DIAPH3: variants seen among roughly 807,000 people sequenced by gnomAD.
The protein encoded by DIAPH3 is diaphanous related formin 3.
In DIAPH3, 117 loss-of-function variants were observed where a neutral mutation model predicts 144.3. The ratio of observed to expected loss-of-function variants is 0.81; its 90% confidence interval spans 0.70 to 0.95. The LOEUF is 0.95. Among genes scored for constraint, DIAPH3 ranks in the 40% least tolerant of loss-of-function variants. The pLI is 0.00. For synonymous variants in DIAPH3, 519 were observed against 488.9 expected, an observed-to-expected ratio of 1.06 and a Z score of -0.81; for missense variants, 1,421 against 1,412.7, an observed-to-expected ratio of 1.01 and a Z score of -0.09.
At chr13:60,124,286 G>A (rs2058926885) in intron 2 of DIAPH3, among the ~76,000 whole-genome samples, 1 of 152,166 alleles carries the variant, frequency 6.6e-6, no homozygotes, top group Non-Finnish European at 1.5e-5. Context: ...CGGGAACTTT[G>A]AGGAGAACAA....
intron 20 of DIAPH3, among the ~76,000 whole-genome samples, chr13:59,889,452 A>T (rs944666027): frequency 6.6e-6 from 1 of 151,652 alleles, no homozygotes; most frequent in Non-Finnish European, 1.5e-5. Context: ...CTATATAGCA[A>T]TTTTTTTTAT....
At chr13:59,871,205 G>T (rs931261472) in intron 21 of DIAPH3, among the ~76,000 whole-genome samples, 4 of 142,570 alleles carry the variant, frequency 2.8e-5, no homozygotes, top group African/African-American at 5.1e-5. Context: ...TGGGGGGGGG[G>T]GTGGCGGGCA....
intron 12 of DIAPH3, among the ~76,000 whole-genome samples, chr13:59,986,802 A>G (rs953806665): frequency 1.5e-4 from 22 of 150,198 alleles, no homozygotes; most frequent in East Asian, 3.9e-4. Context: ...TTAGAATGGC[A>G]ATCATTAAAA....
chr13:59,856,998 C>T (rs1486162307), intron 22 of DIAPH3, among the ~76,000 whole-genome samples: 1 of 151,940 alleles, frequency 6.6e-6, no homozygotes, highest in East Asian at 1.9e-4. Context: ...AGGCCCCAAC[C>T]TACAACCTCC....
intron 4 of DIAPH3, among the ~76,000 whole-genome samples, chr13:60,093,291 TCA>T (rs2058010670): frequency 6.6e-6 from 1 of 152,222 alleles, no homozygotes; most frequent in South Asian, 2.1e-4. Context: ...AAAATCGGTC[TCA>T]CTTTTCTATA....
intron 21 of DIAPH3, among the ~76,000 whole-genome samples, chr13:59,871,724 C>T (rs1566444882): frequency 6.6e-6 from 1 of 152,080 alleles, no homozygotes; most frequent in South Asian, 2.1e-4. Context: ...CTGGTGAAAC[C>T]ATCTGAGCCT....
intron 2 of DIAPH3, among the ~76,000 whole-genome samples, chr13:60,131,675 G>T (rs562519801): frequency 6.6e-6 from 1 of 152,196 alleles, no homozygotes; most frequent in South Asian, 2.1e-4. Flanking sequence ...TGAACATGAC[G>T]TTTCTTTTAA....
Position 59,994,098 on chromosome 13 carries a change from C to T in DIAPH3, c.1015-1515G>A, listed in dbSNP as rs541868986. The stretch of plus-strand genomic sequence containing the variant: ...GGGAAAGGATAATCCAAATTATTTC[C>T]GGGAACTATTCAAAAAGGTGATTCT... On this transcript the variant is annotated intron_variant, in intron 9 of 27. Coordinates refer to ENST00000400324, the MANE Select transcript of DIAPH3 (RefSeq NM_001042517.2). 1.8e-4 allele frequency among the ~76,000 whole-genome samples: 28 copies of T among 151,470 alleles called. 1 individual carries two copies. Among genetic ancestry groups the T allele is most frequent in the South Asian group, 1.2e-3 (6 of 4,808 alleles).
At chr13:59,751,652 C>T (rs2037012568) in intron 27 of DIAPH3, among the ~76,000 whole-genome samples, 1 of 152,134 alleles carries the variant, frequency 6.6e-6, no homozygotes, top group Non-Finnish European at 1.5e-5. Flanking sequence ...GAAGGTGTAA[C>T]CATATCTAAG....
chr13:60,100,671 A>C (rs936700846), intron 3 of DIAPH3, among the ~76,000 whole-genome samples: 1 of 152,164 alleles, frequency 6.6e-6, no homozygotes, highest in Non-Finnish European at 1.5e-5. Flanking sequence ...ATAAGTCTAA[A>C]ATTATTTCAA....
chr13:59,699,730 A>T (rs2033998170), intron 27 of DIAPH3, among the ~76,000 whole-genome samples: 1 of 152,222 alleles, frequency 6.6e-6, no homozygotes, highest in Non-Finnish European at 1.5e-5. Context: ...GAGCTAAATT[A>T]GAATGATAGG....
intron 9 of DIAPH3, among the ~76,000 whole-genome samples, chr13:59,994,758 G>C (rs1290123923): frequency 6.6e-6 from 1 of 151,756 alleles, no homozygotes; most frequent in Non-Finnish European, 1.5e-5. Flanking sequence ...TTTTATGAGC[G>C]GTTTGTCAAG....
intron 27 of DIAPH3, among the ~76,000 whole-genome samples, chr13:59,700,771 C>T (rs995274259): frequency 2.0e-5 from 3 of 152,130 alleles, no homozygotes; most frequent in Non-Finnish European, 4.4e-5. Context: ...TCTGCTATAA[C>T]GGTAAGTCTT....
chr13:59,973,149 A>G (rs928622731), intron 15 of DIAPH3, among the ~76,000 whole-genome samples: 5 of 152,182 alleles, frequency 3.3e-5, no homozygotes, highest in Non-Finnish European at 7.4e-5. Flanking sequence ...CTTTCAAAAC[A>G]TACACTTATT....
At chr13:59,701,417 A>G (rs2034106592) in intron 27 of DIAPH3, among the ~76,000 whole-genome samples, 1 of 152,186 alleles carries the variant, frequency 6.6e-6, no homozygotes, top group Non-Finnish European at 1.5e-5. Context: ...CAGTGATCAC[A>G]TTGCTGCAAA....
At chr13:59,707,112 C>T (rs1429206362) in intron 27 of DIAPH3, among the ~76,000 whole-genome samples, 4 of 152,072 alleles carry the variant, frequency 2.6e-5, no homozygotes, top group Non-Finnish European at 4.4e-5. Context: ...ATTCATTACA[C>T]GAAAAAAGTG....
chr13:59,725,540 C>A (rs1461431295), intron 27 of DIAPH3, among the ~76,000 whole-genome samples: 6 of 152,168 alleles, frequency 3.9e-5, no homozygotes, highest in Admixed American at 3.9e-4. Flanking sequence ...AAATAATTAG[C>A]ATTTCATATT....
chr13:60,124,879 A>G (rs1308482156), intron 2 of DIAPH3, among the ~76,000 whole-genome samples: 2 of 152,008 alleles, frequency 1.3e-5, no homozygotes, highest in Non-Finnish European at 2.9e-5. Flanking sequence ...TAGATTTTAC[A>G]TTTGGTGCTC....
chr13:59,700,508 A>G (rs932537960), intron 27 of DIAPH3, among the ~76,000 whole-genome samples: 1 of 152,162 alleles, frequency 6.6e-6, no homozygotes, highest in Non-Finnish European at 1.5e-5. Context: ...TTCATTTCCC[A>G]TATCTTTCTG....
Sources: allele counts gnomAD v4.1 joint callset (sites outside exome capture counted in the v4.1 genomes callset), GRCh38; gene constraint gnomAD v4.1.1; transcripts MANE v1.5; gene names NCBI Gene and HGNC (gene_info 2026-07-23, HGNC 2026-07-21).